The following DIP2A variants were observed in gnomAD, a reference collection of about 807,000 sequenced individuals.
The protein encoded by DIP2A is DIP2 acetate--CoA ligase A, also known as disco-interacting protein 2 homolog A.
In DIP2A, 85 loss-of-function variants were observed where a neutral mutation model predicts 177.4. That is an observed-to-expected ratio of 0.48 (90% CI 0.40 to 0.57). The LOEUF (loss-of-function observed/expected upper bound fraction) is 0.57, where lower values mean the gene tolerates loss of function less well. DIP2A is among the 20% of genes least tolerant of loss of function. DIP2A has a pLI of 0.00. For missense variants in DIP2A, 1,791 were observed against 2,100.2 expected (o/e 0.85, Z 2.88); for synonymous variants, 886 against 881.8 (o/e 1.00, Z -0.08).
At chr21:46,494,198 A>C (rs1432855654) in intron 3 of DIP2A, among the ~76,000 whole-genome samples, 1 of 152,242 alleles carries the variant, frequency 6.6e-6, no homozygotes, top group African/African-American at 2.4e-5. Context: ...ATTTGGACCC[A>C]GGATTCAAAT....
intron 34 of DIP2A, among the ~76,000 whole-genome samples, chr21:46,562,684 T>C (rs2060706269): frequency 6.6e-6 from 1 of 151,340 alleles, no homozygotes; most frequent in African/African-American, 2.4e-5. Context: ...GCAGAAGGAG[T>C]GCGTGAGTGA....
At chr21:46,479,360 G>A (rs949172388) in intron 1 of DIP2A, among the ~76,000 whole-genome samples, 1 of 152,128 alleles carries the variant, frequency 6.6e-6, no homozygotes, top group African/African-American at 2.4e-5. Flanking sequence ...GTTCCTATGT[G>A]TGTGTATGTA....
chr21:46,506,586 A>G (rs1476677777), intron 6 of DIP2A, among the ~76,000 whole-genome samples: 1 of 152,148 alleles, frequency 6.6e-6, no homozygotes, highest in African/African-American at 2.4e-5. Flanking sequence ...ATATCTCATT[A>G]CAGTTTCAAT....
intron 8 of DIP2A, among the ~76,000 whole-genome samples, chr21:46,514,542 C>T (rs1201882428): frequency 6.7e-6 from 1 of 150,062 alleles, no homozygotes; most frequent in African/African-American, 2.5e-5. Flanking sequence ...TTTTGTATTA[C>T]CTGTCTACAA....
Position 46,541,863 on chromosome 21 carries a change from C to T in DIP2A, c.2144C>T (p.Thr715Ile). The change falls in exon 18 of 38, where the codon ACT becomes ATT. Residue 715 changes from threonine to isoleucine, a missense_variant. Thr to Ile is a moderately conservative substitution (Grantham distance 89). Transcript: ENST00000417564. ...VDTEEKLSVLTVQDVGQVMPG... is the reference protein window; with the variant it reads ...VDTEEKLSVLIVQDVGQVMPG... ...ACTGAAGAAAAGTTGTCAGTCCTTA[C>T]TGTTCAGGACGTTGGTCAGGTGATG... 6.2e-7 allele frequency: 1 copy of T among 1,614,052 alleles called. No individual in the cohort carries two copies. Among genetic ancestry groups the T allele is most frequent in the South Asian group, 1.1e-5 (1 of 91,088 alleles).
intron 1 of DIP2A, among the ~76,000 whole-genome samples, chr21:46,472,156 G>C (rs1233460122): frequency 6.6e-6 from 1 of 152,182 alleles, no homozygotes; most frequent in Non-Finnish European, 1.5e-5. Flanking sequence ...TATAAGAAGA[G>C]GAGGAGACAC....
rs756967028 is a variant in DIP2A, at chr21:46,549,791, C to T, written c.2543C>T (p.Thr848Ile). 1 of 1,613,820 alleles carries T rather than the reference C, an allele frequency of 6.2e-7. No individual in the cohort carries two copies. The highest frequency in any genetic ancestry group is 8.5e-7 in the Non-Finnish European group (1 of 1,180,032). Residue 848 changes from threonine (T) to isoleucine (I), a missense_variant, in exon 22 of 38, where the codon ACC becomes ATC. Coordinates refer to ENST00000417564, the MANE Select transcript of DIP2A (RefSeq NM_015151.4). ...CGCAGGATCGCTGTGTTCTCTGTGA[C>T]CGTGCTGCACGACGACCGGATTGTC... ...YRGRIAVFSV[T>I]VLHDDRIVLV...
intron 1 of DIP2A, among the ~76,000 whole-genome samples, chr21:46,459,733 C>T (rs1311307502): frequency 6.6e-6 from 1 of 151,720 alleles, no homozygotes; most frequent in Non-Finnish European, 1.5e-5. Flanking sequence ...GGACTCCTCC[C>T]CCCAGGCCCT....
Position 46,556,872 on chromosome 21 carries a change from C to T in DIP2A, c.3499-67C>T. 1.4e-6 allele frequency: 2 copies of T among 1,383,562 alleles called. No individual in the cohort carries two copies. Among genetic ancestry groups the T allele is most frequent in the South Asian group, 1.4e-5 (1 of 73,716 alleles). The allele number at this position is 1,383,562 out of a possible 1,614,324, so 85.7% of individuals were successfully genotyped here. A position where few individuals can be genotyped will look rare whatever the true frequency, so the allele number is the denominator to read the frequency against. On this transcript the variant is annotated intron_variant, in intron 29 of 37. Transcript: ENST00000417564. This position sits in a 1 kb window ranked among gnomAD's most constrained non-coding sequence, Gnocchi z 4.5. ...CTAGCCATGTGAACAGCGGACACTG[C>T]CATCCACCCTCTCCCCTCCTGAATT...
In DIP2A at chr21:46,545,890, G is replaced by A. The variant is rs573762935; in HGVS notation, c.2323G>A (p.Val775Ile). The A allele has an allele frequency of 4.3e-6, 7 of 1,613,816 alleles. No individual in the cohort carries two copies. The South Asian group carries it at 7.7e-5, about 18-fold the overall frequency. The part of the protein sequence containing the change: ...ITKNVFEAVP[V>I]TTGGAPIFDR... ...TCTCCACTTTGTGCAGGCAGTTCCG[G>A]TCACCACAGGAGGAGCACCCATCTT... The change falls in exon 20 of 38, where the codon GTC (valine) becomes ATC (isoleucine). Residue 775 changes from valine to isoleucine, a missense_variant. Val to Ile is a conservative substitution (Grantham distance 29). Coordinates refer to ENST00000417564, the MANE Select transcript of DIP2A (RefSeq NM_015151.4).
chr21:46,507,953 C>T (rs1221618076), intron 6 of DIP2A, among the ~76,000 whole-genome samples: 1 of 151,836 alleles, frequency 6.6e-6, no homozygotes, highest in East Asian at 1.9e-4. Flanking sequence ...GACCTGTTGG[C>T]CAGGCTAGTC....
At chr21:46,564,314 G>A (rs1601864347) in intron 35 of DIP2A, among the ~76,000 whole-genome samples, 1 of 152,210 alleles carries the variant, frequency 6.6e-6, no homozygotes, top group Non-Finnish European at 1.5e-5. Context: ...CTGGCAATAG[G>A]GAACTCTGCA....
At chr21:46,550,191 T>C (rs527584293) in intron 22 of DIP2A, 246 of 775,808 alleles carry the variant, frequency 3.2e-4, no homozygotes, top group Non-Finnish European at 4.5e-4. Flanking sequence ...ATTATTATAT[T>C]CACCAGTCTG....
intron 1 of DIP2A, among the ~76,000 whole-genome samples, chr21:46,460,937 G>T (rs562453268): frequency 5.3e-5 from 8 of 151,980 alleles, no homozygotes; most frequent in Admixed American, 3.9e-4. Context: ...CAGGTGGTCC[G>T]CCTGCCTCGG....
chr21:46,520,055 T>C (rs537077480), intron 8 of DIP2A, among the ~76,000 whole-genome samples: 1 of 151,870 alleles, frequency 6.6e-6, no homozygotes, highest in African/African-American at 2.4e-5. Context: ...TTTGTATTTT[T>C]AGTAGAGACG....
chr21:46,503,615 T>TTTCTTTCTTTCTTTC (rs1568987054), intron 5 of DIP2A, among the ~76,000 whole-genome samples: 1 of 90,626 alleles, frequency 1.1e-5, no homozygotes. Flanking sequence ...TTCCTTCCTT[T>TTTCTTTCTTTCTTTC]CTTTCTTTCT....
intron 3 of DIP2A, among the ~76,000 whole-genome samples, chr21:46,495,056 A>T (rs145777969): frequency 3.9e-5 from 6 of 152,310 alleles, no homozygotes; most frequent in South Asian, 2.1e-4. Context: ...CTTTTAAAAG[A>T]CAGGATACCA....
intron 3 of DIP2A, among the ~76,000 whole-genome samples, chr21:46,495,601 T>C (rs2057314131): frequency 1.3e-5 from 2 of 151,816 alleles, no homozygotes; most frequent in Admixed American, 1.3e-4. Context: ...TTCCTTCCCT[T>C]TCTTTCCTTC....
intron 1 of DIP2A, among the ~76,000 whole-genome samples, chr21:46,480,395 C>G (rs2056262065): frequency 6.6e-6 from 1 of 152,162 alleles, no homozygotes; most frequent in Non-Finnish European, 1.5e-5. Context: ...CCACTGGGTC[C>G]CTCCCATGAC....
Sources: allele counts gnomAD v4.1 joint callset (sites outside exome capture counted in the v4.1 genomes callset), GRCh38; gene constraint gnomAD v4.1.1; non-coding constraint Gnocchi (gnomAD v3.1); transcripts MANE v1.5; gene names NCBI Gene and HGNC (gene_info 2026-07-23, HGNC 2026-07-21).